SCHIP1: variants seen among roughly 807,000 people sequenced by gnomAD.
SCHIP1 encodes the protein schwannomin interacting protein 1, also known as schwannomin-interacting protein 1.
SCHIP1 carries 8 observed loss-of-function variants against 29.7 expected under a neutral mutation model. The ratio of observed to expected loss-of-function variants is 0.27; its 90% CI spans 0.16 to 0.49. The LOEUF (loss-of-function observed/expected upper bound fraction) is 0.49, where lower values mean the gene tolerates loss of function less well. Ranked by LOEUF, SCHIP1 falls within the 20% of genes least tolerant of loss-of-function variation. SCHIP1 has a pLI of 0.99. For synonymous variants in SCHIP1, 76 were observed against 94.9 expected (o/e 0.80, Z 1.16); for missense variants, 193 against 294.6 (o/e 0.66, Z 2.52).
At chr3:159,280,096 C>T in the SCHIP1 span, among the ~76,000 whole-genome samples, 6 of 152,060 alleles carry the variant, frequency 3.9e-5, no homozygotes, top group Admixed American at 2.0e-4. Context: ...GCAGTGTATT[C>T]TGTAATTATG....
At chr3:159,390,491 A>AT in the SCHIP1 span, among the ~76,000 whole-genome samples, 1 of 152,104 alleles carries the variant, frequency 6.6e-6, no homozygotes, top group Non-Finnish European at 1.5e-5. Flanking sequence ...CAGATCTAAG[A>AT]TAAAATTTAT....
At chr3:159,644,862 G>A in the SCHIP1 span, among the ~76,000 whole-genome samples, 1 of 151,994 alleles carries the variant, frequency 6.6e-6, no homozygotes, top group Non-Finnish European at 1.5e-5. Flanking sequence ...GCAGAAATTT[G>A]GGGGAATAAA....
chr3:159,759,114 T>C, the SCHIP1 span, among the ~76,000 whole-genome samples: 1 of 152,194 alleles, frequency 6.6e-6, no homozygotes, highest in East Asian at 1.9e-4. Flanking sequence ...TATAATCTCG[T>C]GGTTTGCTAG....
At chr3:159,732,065 C>A in the SCHIP1 span, among the ~76,000 whole-genome samples, 1 of 152,138 alleles carries the variant, frequency 6.6e-6, no homozygotes, top group African/African-American at 2.4e-5. Flanking sequence ...AGGCTGGTCC[C>A]GAACTCCTGA....
the SCHIP1 span, among the ~76,000 whole-genome samples, chr3:159,545,959 T>C: frequency 6.6e-6 from 1 of 151,958 alleles, no homozygotes; most frequent in South Asian, 2.1e-4. Context: ...ATTTTGAATT[T>C]TTTTGTGTAG....
chr3:159,340,794 G>A, the SCHIP1 span, among the ~76,000 whole-genome samples: 55 of 152,108 alleles, frequency 3.6e-4, no homozygotes, highest in African/African-American at 1.2e-3. Context: ...TTGGGGGGGC[G>A]CAGAGAATGT....
the SCHIP1 span, among the ~76,000 whole-genome samples, chr3:159,719,364 G>A: frequency 1.3e-5 from 2 of 152,140 alleles, no homozygotes; most frequent in African/African-American, 2.4e-5. Context: ...AATGGCAACA[G>A]TAGCCAAAAT....
At chr3:159,410,592 G>A in the SCHIP1 span, among the ~76,000 whole-genome samples, 212 of 152,160 alleles carry the variant, frequency 1.4e-3, no homozygotes, top group Non-Finnish European at 1.9e-3. Flanking sequence ...TCTCACCTCA[G>A]TTAAAATGTC....
chr3:159,516,749 G>A, the SCHIP1 span, among the ~76,000 whole-genome samples: 1 of 151,974 alleles, frequency 6.6e-6, no homozygotes, highest in African/African-American at 2.4e-5. Context: ...CCTACCCACT[G>A]CTTAGACTCC....
intron 3 of SCHIP1, 84 bp from the exon 5 acceptor site, chr3:159,887,624 G>T: frequency 6.7e-7 from 1 of 1,497,430 alleles, no homozygotes; most frequent in Non-Finnish European, 9.2e-7. Flanking sequence ...CTGAGAGAAG[G>T]CTCAGAGGAT....
At chr3:159,723,715 T>C in the SCHIP1 span, among the ~76,000 whole-genome samples, 1 of 152,208 alleles carries the variant, frequency 6.6e-6, no homozygotes, top group African/African-American at 2.4e-5. Flanking sequence ...CCCAAACAGC[T>C]GCTAGGATGA....
the SCHIP1 span, among the ~76,000 whole-genome samples, chr3:159,480,801 C>T: frequency 1.3e-3 from 202 of 152,266 alleles, no homozygotes; most frequent in South Asian, 0.024. Flanking sequence ...GTGTCACGCA[C>T]GTCCTTGTGA....
At chr3:159,835,000 T>C (rs1324637171), upstream of SCHIP1, among the ~76,000 whole-genome samples, 5 of 152,128 alleles carry the variant, frequency 3.3e-5, no homozygotes, top group Middle Eastern at 3.2e-3. Context: ...AAGGACCTAG[T>C]TTCCCTGATA....
the SCHIP1 span, among the ~76,000 whole-genome samples, chr3:159,355,829 T>C: frequency 6.6e-6 from 1 of 152,186 alleles, no homozygotes. Context: ...TCTAGTGAGT[T>C]AGGATACTAT....
the SCHIP1 span, among the ~76,000 whole-genome samples, chr3:159,330,121 T>C: frequency 6.6e-6 from 1 of 152,250 alleles, no homozygotes; most frequent in African/African-American, 2.4e-5. Flanking sequence ...ACTATTGTGA[T>C]ATGTGGAAGG....
chr3:159,311,289 AAATCAAGAATTACCCCCAGT>A, the SCHIP1 span, among the ~76,000 whole-genome samples: 1 of 152,176 alleles, frequency 6.6e-6, no homozygotes, highest in South Asian at 2.1e-4. Context: ...ATGATGCAGA[AAATCAAGAATTACCCCCAGT>A]TTGCCAGTGA....
At chr3:159,660,465 T>C in the SCHIP1 span, among the ~76,000 whole-genome samples, 18 of 152,270 alleles carry the variant, frequency 1.2e-4, no homozygotes, top group African/African-American at 4.3e-4. Flanking sequence ...TTCTATCAGA[T>C]GGACATAATG....
chr3:159,581,025 AC>A, the SCHIP1 span, among the ~76,000 whole-genome samples: 1 of 152,138 alleles, frequency 6.6e-6, no homozygotes, highest in Non-Finnish European at 1.5e-5. Context: ...TGTATGCCTC[AC>A]CCCATCTTTA....
the SCHIP1 span, among the ~76,000 whole-genome samples, chr3:159,466,161 T>C: frequency 6.6e-6 from 1 of 152,056 alleles, no homozygotes; most frequent in Non-Finnish European, 1.5e-5. Flanking sequence ...TACAATTTAA[T>C]TGGGGAGAAG....
Sources: allele counts gnomAD v4.1 joint callset (sites outside exome capture counted in the v4.1 genomes callset), GRCh38; gene constraint gnomAD v4.1.1; transcripts MANE v1.5; gene names NCBI Gene and HGNC (gene_info 2026-07-23, HGNC 2026-07-21).